SNX29: variants seen among roughly 807,000 people sequenced by gnomAD.
SNX29 encodes the protein sorting nexin 29, also known as sorting nexin-29.
In SNX29, 78 loss-of-function variants were observed where a neutral mutation model predicts 102.1. That is an observed-to-expected ratio of 0.76 (90% CI 0.64 to 0.92). The LOEUF (loss-of-function observed/expected upper bound fraction) is 0.92. Among genes scored for constraint, SNX29 ranks in the 40% least tolerant of loss-of-function variants. The pLI, the probability that SNX29 is intolerant of heterozygous loss-of-function variation, is 0.00. For missense variants in SNX29, 1,280 were observed against 1,061.7 expected, an observed-to-expected ratio of 1.21 and a Z score of -2.86; for synonymous variants, 580 against 414.5, an observed-to-expected ratio of 1.40 and a Z score of -4.85.
intron 15 of SNX29, among the ~76,000 whole-genome samples, chr16:12,291,374 G>C (rs1596782121): frequency 6.6e-6 from 1 of 152,180 alleles, no homozygotes; most frequent in Non-Finnish European, 1.5e-5. Context: ...ACAACTGTCA[G>C]ATCTCGTGAG....
At chr16:12,153,974 T>C (rs1271204387) in intron 13 of SNX29, among the ~76,000 whole-genome samples, 1 of 152,222 alleles carries the variant, frequency 6.6e-6, no homozygotes, top group Non-Finnish European at 1.5e-5. Flanking sequence ...TCCTCCCGCT[T>C]TGAAAGTTAA....
At chr16:12,319,285 T>G (rs2080852286) in intron 15 of SNX29, among the ~76,000 whole-genome samples, 1 of 152,182 alleles carries the variant, frequency 6.6e-6, no homozygotes, top group Non-Finnish European at 1.5e-5. Flanking sequence ...GAGGATCATT[T>G]GCGGCCAGGA....
intron 20 of SNX29, among the ~76,000 whole-genome samples, chr16:12,558,950 A>C (rs1466443117): frequency 2.0e-5 from 3 of 152,218 alleles, no homozygotes; most frequent in Admixed American, 2.0e-4. Context: ...TATCGGCCCC[A>C]TGTTTCAGGT....
At chr16:12,125,935 C>G (rs966084730) in intron 11 of SNX29, among the ~76,000 whole-genome samples, 4 of 152,152 alleles carry the variant, frequency 2.6e-5, no homozygotes, top group African/African-American at 7.2e-5. Context: ...GGCCCAGAAC[C>G]CAGATACCTG....
At chr16:12,550,203 G>A (rs2077882569) in intron 20 of SNX29, among the ~76,000 whole-genome samples, 1 of 152,196 alleles carries the variant, frequency 6.6e-6, no homozygotes, top group African/African-American at 2.4e-5. Context: ...AGAGGATAAA[G>A]CATGGAAGAG....
At chr16:12,354,145 T>A (rs1252919630) in intron 15 of SNX29, among the ~76,000 whole-genome samples, 1 of 152,212 alleles carries the variant, frequency 6.6e-6, no homozygotes, top group East Asian at 1.9e-4. Flanking sequence ...TTGGAAATAG[T>A]TATTCGAGGA....
At chr16:12,386,462 C>G (rs563795128) in intron 16 of SNX29, among the ~76,000 whole-genome samples, 1 of 152,080 alleles carries the variant, frequency 6.6e-6, no homozygotes, top group Non-Finnish European at 1.5e-5. Flanking sequence ...GGAGGCAATT[C>G]GCAATGTGAA....
Position 12,388,874 on chromosome 16 carries a change from T to A in SNX29, c.1900-9572T>A, listed in dbSNP as rs939213160. 2.6e-5 allele frequency among the ~76,000 whole-genome samples: 4 copies of A among 152,266 alleles called. No homozygotes were observed. The South Asian group carries it at 6.2e-4, about 24-fold the overall frequency. On this transcript the variant is annotated intron_variant, in intron 16 of 20. Coordinates refer to ENST00000566228, the MANE Select transcript of SNX29 (RefSeq NM_032167.5). ...GGGATATTCTATTTGCAAGAGGACA[T>A]TTAAGGTAACAGGAAAGGCAGGTGC...
At chr16:12,536,120 C>T (rs1027409274) in intron 20 of SNX29, among the ~76,000 whole-genome samples, 1 of 152,150 alleles carries the variant, frequency 6.6e-6, no homozygotes, top group Non-Finnish European at 1.5e-5. Flanking sequence ...GTGAACACAG[C>T]CCAGCTTTGG....
intron 13 of SNX29, among the ~76,000 whole-genome samples, chr16:12,198,128 C>G (rs2076824152): frequency 6.6e-6 from 1 of 152,114 alleles, no homozygotes; most frequent in South Asian, 2.1e-4. Flanking sequence ...GTCATAGAGA[C>G]TCTGAGTGTT....
At chr16:11,986,385 A>G (rs983998384) in intron 1 of SNX29, among the ~76,000 whole-genome samples, 1 of 151,528 alleles carries the variant, frequency 6.6e-6, no homozygotes. Context: ...AAAAAAAAAA[A>G]AAAAAAGCGA....
intron 14 of SNX29, among the ~76,000 whole-genome samples, chr16:12,208,820 G>C (rs374345003): frequency 6.8e-5 from 10 of 147,554 alleles, no homozygotes; most frequent in African/African-American, 2.5e-4. Flanking sequence ...TAGCTTGGGC[G>C]GTAGAGTGAG....
intron 20 of SNX29, among the ~76,000 whole-genome samples, chr16:12,545,811 A>G (rs1466543296): frequency 6.6e-6 from 1 of 152,062 alleles, no homozygotes; most frequent in African/African-American, 2.4e-5. Context: ...GGGCCTCCCT[A>G]CTGACTCTCC....
chr16:12,521,918 G>C (rs1322080966), intron 19 of SNX29, among the ~76,000 whole-genome samples: 1 of 152,214 alleles, frequency 6.6e-6, no homozygotes, highest in Non-Finnish European at 1.5e-5. Flanking sequence ...TTAGCCACCA[G>C]CTGGACTGAT....
intron 15 of SNX29, among the ~76,000 whole-genome samples, chr16:12,302,646 C>G (rs901991211): frequency 6.6e-6 from 1 of 152,252 alleles, no homozygotes; most frequent in Non-Finnish European, 1.5e-5. Flanking sequence ...CCCAAAGGCC[C>G]TGCTCTTCTA....
At chr16:12,389,798 G>A (rs1383790746) in intron 16 of SNX29, among the ~76,000 whole-genome samples, 1 of 152,212 alleles carries the variant, frequency 6.6e-6, no homozygotes, top group Non-Finnish European at 1.5e-5. Context: ...GGACCTGGGA[G>A]GAGAGGCTAA....
intron 20 of SNX29, among the ~76,000 whole-genome samples, chr16:12,539,930 ATGTT>A: frequency 6.6e-6 from 1 of 152,150 alleles, no homozygotes; most frequent in Non-Finnish European, 1.5e-5. Flanking sequence ...TTCTTTGTAT[ATGTT>A]AGATGCAAGA....
chr16:12,100,681 G>A (rs1356273104), intron 11 of SNX29, among the ~76,000 whole-genome samples: 3 of 151,312 alleles, frequency 2.0e-5, no homozygotes, highest in Admixed American at 2.0e-4. Flanking sequence ...GAGGCCCTGG[G>A]TGGGGGTGCT....
chr16:12,483,509 G>T (rs190841859), intron 19 of SNX29, among the ~76,000 whole-genome samples: 36 of 151,394 alleles, frequency 2.4e-4, no homozygotes, highest in Non-Finnish European at 4.3e-4. Context: ...TAGAGACGGG[G>T]TTTCACCATG....
Sources: gnomAD v4.1 joint callset for allele counts (sites outside exome capture counted in the v4.1 genomes callset) on GRCh38, gnomAD v4.1.1 for gene constraint, MANE v1.5 for transcripts, NCBI Gene and HGNC (gene_info 2026-07-23, HGNC 2026-07-21) for gene names.